SH3BGRL: variants seen among roughly 807,000 people sequenced by gnomAD.
SH3BGRL encodes SH3 domain binding glutamate rich protein like.
In SH3BGRL, 7 loss-of-function variants were observed where a neutral mutation model predicts 9.8. The ratio of observed to expected loss-of-function variants is 0.72; its 90% CI spans 0.41 to 1.35. The LOEUF (loss-of-function observed/expected upper bound fraction) is 1.35. SH3BGRL is among the 40% of genes most tolerant of loss of function. SH3BGRL has a pLI of 0.01. For synonymous variants in SH3BGRL, 36 were observed against 29.1 expected, an observed-to-expected ratio of 1.24 and a Z score of -0.76; for missense variants, 73 against 84.4, an observed-to-expected ratio of 0.86 and a Z score of 0.53.
chrX:81,242,940 AAT>A (rs1214258944), intron 1 of SH3BGRL, among the ~76,000 whole-genome samples: 1 of 112,058 alleles, frequency 8.9e-6, no homozygotes, highest in Non-Finnish European at 1.9e-5. Context: ...TGTTGGTGGG[AAT>A]GTACATTAGT....
chrX:81,205,498 GTGTGTGTA>G (rs1392547214), intron 1 of SH3BGRL, among the ~76,000 whole-genome samples: 29 of 88,462 alleles, frequency 3.3e-4, no homozygotes, highest in African/African-American at 1.3e-3. Context: ...GTGTGTGTGT[GTGTGTGTA>G]TATATATATA....
At chrX:81,250,079 T>C (rs1444589023) in intron 1 of SH3BGRL, among the ~76,000 whole-genome samples, 1 of 108,808 alleles carries the variant, frequency 9.2e-6, no homozygotes, top group Non-Finnish European at 1.9e-5. Context: ...TGTTCTGGAG[T>C]TATGGACTTG....
At chrX:81,239,642 G>T (rs1456302143) in intron 1 of SH3BGRL, among the ~76,000 whole-genome samples, 4 of 112,201 alleles carry the variant, frequency 3.6e-5, no homozygotes, top group African/African-American at 1.3e-4. Flanking sequence ...TTCCAAAACA[G>T]AAAGATACCA....
chrX:81,288,927 C>A (rs1272615175), intron 3 of SH3BGRL, among the ~76,000 whole-genome samples: 3 of 111,257 alleles, frequency 2.7e-5, no homozygotes, highest in Non-Finnish European at 3.8e-5. Context: ...AAAAAAAAAT[C>A]TAAAATTCAT....
intron 1 of SH3BGRL, among the ~76,000 whole-genome samples, chrX:81,258,917 A>C: frequency 8.9e-6 from 1 of 112,522 alleles, no homozygotes; most frequent in Non-Finnish European, 1.9e-5. Flanking sequence ...CTTTAGCAGC[A>C]CATTTTACAG....
chrX:81,216,518 C>G lies in SH3BGRL; in HGVS notation c.45+14273C>G, dbSNP rs1423931125. 3.6e-5 allele frequency among the ~76,000 whole-genome samples: 4 copies of G among 111,066 alleles called. No homozygotes were observed. The East Asian group carries it at 1.1e-3, about 32-fold the overall frequency. On this transcript the variant is annotated intron_variant, in intron 1 of 3. Transcript: ENST00000373212. ...ACCATAGTCACCCTGGTTGCACTGT[C>G]AAATAGTAGACCTTATTCATTGACT...
intron 3 of SH3BGRL, among the ~76,000 whole-genome samples, chrX:81,279,298 A>AAAGTG (rs765874494): frequency 0.011 from 1,201 of 111,919 alleles, 16 homozygotes; most frequent in African/African-American, 0.036. Context: ...AGCCATAAGA[A>AAAGTG]AAGTGAGGTA....
chrX:81,267,480 G>T (rs755261483), intron 1 of SH3BGRL, among the ~76,000 whole-genome samples: 5 of 111,586 alleles, frequency 4.5e-5, no homozygotes, highest in African/African-American at 1.6e-4. Flanking sequence ...GCTTCTTGTC[G>T]TTGGTTCTGT....
Position 81,267,700 on chromosome X carries a change from G to A in SH3BGRL, c.46-9284G>A, listed in dbSNP as rs2075762421. ...GTGTGTGTCTCTGCCCTGCTTTGGTGTCAGGATGATGCTCGCCTCATAAAA... is the reference window on the plus strand; with the variant it reads ...GTGTGTGTCTCTGCCCTGCTTTGGTATCAGGATGATGCTCGCCTCATAAAA... On this transcript the variant is annotated intron_variant, in intron 1 of 3. Coordinates refer to ENST00000373212, the MANE Select transcript of SH3BGRL (RefSeq NM_003022.3). Among the ~76,000 whole-genome samples, 6 of 111,736 alleles carry A rather than the reference G, an allele frequency of 5.4e-5. No homozygotes were observed. The South Asian group carries it at 2.2e-3, about 42-fold the overall frequency.
intron 1 of SH3BGRL, among the ~76,000 whole-genome samples, chrX:81,274,046 T>C (rs1021806488): frequency 5.4e-5 from 6 of 111,995 alleles, no homozygotes; most frequent in Non-Finnish European, 1.1e-4. Flanking sequence ...CAGTGCATTG[T>C]CCACTTGCAA....
chrX:81,250,422 T>A (rs867629151), intron 1 of SH3BGRL, among the ~76,000 whole-genome samples: 16 of 99,303 alleles, frequency 1.6e-4, no homozygotes, highest in African/African-American at 3.9e-4. Flanking sequence ...AAAAAAAAAA[T>A]AAAATAAAAA....
intron 1 of SH3BGRL, among the ~76,000 whole-genome samples, chrX:81,254,173 A>T (rs2075718742): frequency 8.9e-6 from 1 of 112,226 alleles, no homozygotes. Context: ...CTAACAATTA[A>T]TTGCACAGAA....
chrX:81,294,294 A>G (rs921203277), intron 3 of SH3BGRL, among the ~76,000 whole-genome samples: 3 of 110,400 alleles, frequency 2.7e-5, no homozygotes, highest in Non-Finnish European at 5.7e-5. Context: ...CTAGGAGGAA[A>G]AAATGGTTTT....
intron 1 of SH3BGRL, among the ~76,000 whole-genome samples, chrX:81,270,603 G>A (rs889782095): frequency 8.9e-6 from 1 of 111,793 alleles, no homozygotes; most frequent in Non-Finnish European, 1.9e-5. Context: ...TGGAAGCTTC[G>A]TCCCACAGGG....
At chrX:81,259,261 A>G (rs1460690014) in intron 1 of SH3BGRL, among the ~76,000 whole-genome samples, 2 of 112,069 alleles carry the variant, frequency 1.8e-5, no homozygotes, top group Non-Finnish European at 1.9e-5. Context: ...GAAGCACTGT[A>G]GCATTTGTAG....
intron 1 of SH3BGRL, among the ~76,000 whole-genome samples, chrX:81,208,205 T>C (rs1199838645): frequency 9.0e-6 from 1 of 110,538 alleles, no homozygotes; most frequent in African/African-American, 3.3e-5. Flanking sequence ...GAGGTTGCAG[T>C]GAGCCGAGAT....
intron 1 of SH3BGRL, among the ~76,000 whole-genome samples, chrX:81,249,568 T>G (rs1417315899): frequency 1.3e-4 from 15 of 112,334 alleles, no homozygotes; most frequent in Admixed American, 1.2e-3. Flanking sequence ...AGCATTCCAT[T>G]ACAGAATATC....
At chrX:81,275,596 T>A (rs2075796361) in intron 1 of SH3BGRL, among the ~76,000 whole-genome samples, 1 of 111,996 alleles carries the variant, frequency 8.9e-6, no homozygotes, top group Non-Finnish European at 1.9e-5. Context: ...AGTTTTACAT[T>A]GATTTTTCTC....
At chrX:81,279,896 ACC>A (rs2075810841) in intron 3 of SH3BGRL, among the ~76,000 whole-genome samples, 1 of 111,338 alleles carries the variant, frequency 9.0e-6, no homozygotes, top group African/African-American at 3.3e-5. Context: ...AAGAACCAAA[ACC>A]CTTTTCTTTC....
Sources: gnomAD v4.1 joint callset for allele counts (sites outside exome capture counted in the v4.1 genomes callset) on GRCh38, gnomAD v4.1.1 for gene constraint, MANE v1.5 for transcripts, NCBI Gene and HGNC (gene_info 2026-07-23, HGNC 2026-07-21) for gene names.